Variants in BICC1 observed in about 807,000 individuals in gnomAD.
BICC1 encodes the protein protein bicaudal C homolog 1.
Under a neutral mutation model 111.0 loss-of-function variants are expected in BICC1, and 43 were observed. That is an observed-to-expected ratio of 0.39 (90% confidence interval 0.30 to 0.50). The LOEUF is 0.50. Ranked by LOEUF, BICC1 falls within the 20% of genes least tolerant of loss-of-function variation. The pLI is 0.88. For synonymous variants in BICC1, 467 were observed against 434.4 expected (o/e 1.07, Z -0.93); for missense variants, 1,091 against 1,203.2 (o/e 0.91, Z 1.38).
At chr10:58,541,121 C>G (rs1367906651) in intron 1 of BICC1, among the ~76,000 whole-genome samples, 1 of 152,070 alleles carries the variant, frequency 6.6e-6, no homozygotes, top group Non-Finnish European at 1.5e-5. Context: ...AAAACTGAAT[C>G]CTTTCTCTTT....
chr10:58,729,170 G>A (rs888016940), intron 3 of BICC1, among the ~76,000 whole-genome samples: 3 of 152,208 alleles, frequency 2.0e-5, no homozygotes, highest in Non-Finnish European at 4.4e-5. Context: ...AGCTAGGAAA[G>A]TTCTAGATGA....
At chr10:58,665,298 T>C (rs1387833734) in intron 2 of BICC1, among the ~76,000 whole-genome samples, 1 of 152,172 alleles carries the variant, frequency 6.6e-6, no homozygotes, top group African/African-American at 2.4e-5. Context: ...AACATACTTT[T>C]GATAACTTCT....
intron 1 of BICC1, among the ~76,000 whole-genome samples, chr10:58,573,060 G>A (rs566379810): frequency 1.2e-4 from 18 of 152,216 alleles, no homozygotes; most frequent in African/African-American, 4.3e-4. Flanking sequence ...CAAACAAAAT[G>A]ATGACACAAC....
chr10:58,708,309 ATACTT>A (rs1377457519), intron 3 of BICC1, among the ~76,000 whole-genome samples: 1 of 152,104 alleles, frequency 6.6e-6, no homozygotes, highest in African/African-American at 2.4e-5. Context: ...AATTGATAGA[ATACTT>A]TACATATTTA....
intron 3 of BICC1, among the ~76,000 whole-genome samples, chr10:58,748,737 G>A (rs576474875): frequency 5.3e-5 from 8 of 152,204 alleles, no homozygotes; most frequent in African/African-American, 1.4e-4. Flanking sequence ...TCGAATGTTC[G>A]TCAGAATCAC....
chr10:58,808,706 A>AT (rs1240716814), intron 17 of BICC1, among the ~76,000 whole-genome samples: 5 of 131,406 alleles, frequency 3.8e-5, no homozygotes, highest in Admixed American at 8.8e-5. Flanking sequence ...TCTTAGTGAT[A>AT]TTTAAAAAAA....
intron 3 of BICC1, chr10:58,715,765 A>G: frequency 3.4e-6 from 5 of 1,479,378 alleles, no homozygotes; most frequent in Admixed American, 1.8e-5. Context: ...AACTGGAAGA[A>G]AGAACTGGAA....
At chr10:58,734,643 T>G (rs967136547) in intron 3 of BICC1, among the ~76,000 whole-genome samples, 3 of 152,194 alleles carry the variant, frequency 2.0e-5, no homozygotes, top group African/African-American at 7.2e-5. Flanking sequence ...GTGGTAATCT[T>G]GTATTAGCTG....
At chr10:58,564,857 A>G (rs1843709055) in intron 1 of BICC1, among the ~76,000 whole-genome samples, 1 of 152,256 alleles carries the variant, frequency 6.6e-6, no homozygotes, top group African/African-American at 2.4e-5. Context: ...AGTTAAAAAT[A>G]TGAAATAATA....
chr10:58,560,232 A>G (rs560267539), intron 1 of BICC1, among the ~76,000 whole-genome samples: 47 of 152,000 alleles, frequency 3.1e-4, no homozygotes, highest in Non-Finnish European at 5.7e-4. Flanking sequence ...TACTGACTCA[A>G]TCTCCTTACT....
chr10:58,631,791 G>C (rs566932713), intron 2 of BICC1, among the ~76,000 whole-genome samples: 1 of 152,098 alleles, frequency 6.6e-6, no homozygotes, highest in South Asian at 2.1e-4. Flanking sequence ...CAATTTCCAC[G>C]TGCCTGTTTA....
At chr10:58,578,171 T>G (rs1369251142) in intron 1 of BICC1, among the ~76,000 whole-genome samples, 4 of 152,230 alleles carry the variant, frequency 2.6e-5, no homozygotes, top group African/African-American at 7.2e-5. Flanking sequence ...TGATTTGTGA[T>G]ATAATTTCTC....
intron 20 of BICC1, among the ~76,000 whole-genome samples, chr10:58,828,096 G>T (rs1844452541): frequency 6.6e-6 from 1 of 152,190 alleles, no homozygotes; most frequent in African/African-American, 2.4e-5. Context: ...TGGTAAGGCT[G>T]CTGGGCAACA....
At chr10:58,587,736 A>T (rs1844475663) in intron 1 of BICC1, among the ~76,000 whole-genome samples, 1 of 152,194 alleles carries the variant, frequency 6.6e-6, no homozygotes, top group African/African-American at 2.4e-5. Flanking sequence ...TGTAGGATAA[A>T]GTGGCGGAGT....
intron 1 of BICC1, among the ~76,000 whole-genome samples, chr10:58,597,963 G>A (rs889983367): frequency 3.3e-5 from 5 of 152,026 alleles, no homozygotes; most frequent in South Asian, 2.1e-4. Flanking sequence ...AGGTAACACA[G>A]TTATCACAGT....
At chr10:58,720,392 G>T (rs974897337) in intron 3 of BICC1, among the ~76,000 whole-genome samples, 1 of 152,198 alleles carries the variant, frequency 6.6e-6, no homozygotes, top group Non-Finnish European at 1.5e-5. Context: ...CTGCCCTTTG[G>T]ATACTTAGAG....
intron 3 of BICC1, among the ~76,000 whole-genome samples, chr10:58,756,608 C>A (rs1842151105): frequency 6.8e-6 from 1 of 146,682 alleles, no homozygotes; most frequent in African/African-American, 2.5e-5. Flanking sequence ...GATCCAGGAC[C>A]CTTTAGCAAC....
At chr10:58,717,563 A>G (rs999084882) in intron 3 of BICC1, among the ~76,000 whole-genome samples, 3 of 152,248 alleles carry the variant, frequency 2.0e-5, no homozygotes, top group African/African-American at 7.2e-5. Flanking sequence ...CTTCTATATA[A>G]GCACGTAAAC....
chr10:58,724,835 T>C (rs564357165), intron 3 of BICC1, among the ~76,000 whole-genome samples: 25 of 152,260 alleles, frequency 1.6e-4, no homozygotes, highest in African/African-American at 6.0e-4. Flanking sequence ...CTATTTTCCT[T>C]GCACCTCCGA....
Sources: gnomAD v4.1 joint callset for allele counts (sites outside exome capture counted in the v4.1 genomes callset) on GRCh38, gnomAD v4.1.1 for gene constraint, MANE v1.5 for transcripts, NCBI Gene and HGNC (gene_info 2026-07-23, HGNC 2026-07-21) for gene names.